Variants in ASAP1 observed in about 807,000 individuals in gnomAD.
ASAP1 encodes ArfGAP with SH3 domain, ankyrin repeat and PH domain 1.
A neutral mutation model predicts 145.2 loss-of-function variants in ASAP1; 43 were observed. The ratio of observed to expected loss-of-function variants is 0.30; its 90% confidence interval spans 0.23 to 0.38. The LOEUF (loss-of-function observed/expected upper bound fraction) is 0.38. Among genes scored for constraint, ASAP1 ranks in the 10% least tolerant of loss-of-function variants. The pLI, the probability that ASAP1 is intolerant of heterozygous loss-of-function variation, is 1.00. For missense variants in ASAP1, 1,018 were observed against 1,355.3 expected, an observed-to-expected ratio of 0.75 and a Z score of 3.91; for synonymous variants, 546 against 515.5, an observed-to-expected ratio of 1.06 and a Z score of -0.80.
At chr8:130,339,460 A>G (rs1825241885) in intron 3 of ASAP1, among the ~76,000 whole-genome samples, 1 of 152,170 alleles carries the variant, frequency 6.6e-6, no homozygotes, top group African/African-American at 2.4e-5. Context: ...AGGGGAATAT[A>G]TTAATAGCAA....
intron 3 of ASAP1, among the ~76,000 whole-genome samples, chr8:130,262,584 T>C (rs1267008046): frequency 3.3e-5 from 5 of 152,042 alleles, no homozygotes; most frequent in Admixed American, 2.6e-4. Flanking sequence ...CTGGAATTCC[T>C]AGCTCCTCAA....
intron 1 of ASAP1, among the ~76,000 whole-genome samples, chr8:130,442,746 A>G (rs1830528710): frequency 6.6e-6 from 1 of 152,164 alleles, no homozygotes; most frequent in Non-Finnish European, 1.5e-5. Context: ...AAACTGCTTT[A>G]GAAGTGCCCA....
intron 3 of ASAP1, among the ~76,000 whole-genome samples, chr8:130,249,205 A>T (rs911348160): frequency 3.9e-5 from 6 of 152,124 alleles, no homozygotes; most frequent in Non-Finnish European, 7.4e-5. Flanking sequence ...AGTGTTTCTA[A>T]ATATGTCTAG....
In ASAP1 at chr8:130,054,718, GT is replaced by G; in HGVS notation, c.*12del. ...CATGAAGGATGTGGACAATCTTAAG[GT>G]TCTGCGTTTTGCTAGTCAGACAGGA... On this transcript the variant is annotated 3_prime_UTR_variant, in exon 30 of 30. Transcript: ENST00000518721. 1.2e-6 allele frequency: 2 copies of G among 1,610,332 alleles called. No individual in the cohort carries two copies. The highest frequency in any genetic ancestry group is 1.7e-6 in the Non-Finnish European group (2 of 1,176,694).
chr8:130,311,760 T>TGAAAAAAAAAA (rs1823361313), intron 3 of ASAP1, among the ~76,000 whole-genome samples: 1 of 14,454 alleles, frequency 6.9e-5, no homozygotes, highest in Non-Finnish European at 1.4e-4. Flanking sequence ...AAACTCCGTC[T>TGAAAAAAAAAA]CAAAAAAAAA....
At chr8:130,353,210 A>C (rs573385639) in intron 3 of ASAP1, among the ~76,000 whole-genome samples, 194 of 152,348 alleles carry the variant, frequency 1.3e-3, no homozygotes, top group African/African-American at 4.5e-3. Flanking sequence ...CAATCTGGAT[A>C]ACCCCAATAC....
chr8:130,133,735 C>A (rs1310440181), intron 15 of ASAP1, among the ~76,000 whole-genome samples: 2 of 152,178 alleles, frequency 1.3e-5, no homozygotes, highest in East Asian at 1.9e-4. Context: ...TGATACCAAC[C>A]TGTTCCTTTC....
chr8:130,312,146 T>A (rs1823394954), intron 3 of ASAP1, among the ~76,000 whole-genome samples: 1 of 151,942 alleles, frequency 6.6e-6, no homozygotes. Flanking sequence ...GGTGTGGTGG[T>A]GTGCTCCTGT....
At chr8:130,413,377 T>C (rs756062784) in intron 1 of ASAP1, among the ~76,000 whole-genome samples, 7 of 152,222 alleles carry the variant, frequency 4.6e-5, no homozygotes, top group Non-Finnish European at 8.8e-5. Flanking sequence ...AATTACCGTA[T>C]TTCCTCCATT....
At chr8:130,168,209 C>T (rs1280831127) in intron 10 of ASAP1, among the ~76,000 whole-genome samples, 1 of 152,120 alleles carries the variant, frequency 6.6e-6, no homozygotes, top group Admixed American at 6.6e-5. Context: ...TTTACTCATA[C>T]TCATAATATA....
chr8:130,358,048 T>C lies in ASAP1; in HGVS notation c.155A>G (p.Asn52Ser), dbSNP rs1029447394. Reference protein sequence around the residue: ...TTSSFTTRLHNCRNTVTLLEE... With the variant: ...TTSSFTTRLHSCRNTVTLLEE... Reference sequence around the variant, plus strand: ...CAGCAGCGTGACGGTGTTCCTGCAGTTGTGCAGCCGCGTGGTGAAGCTGGA... The same window carrying C: ...CAGCAGCGTGACGGTGTTCCTGCAGCTGTGCAGCCGCGTGGTGAAGCTGGA... The change falls in exon 3 of 30, where the codon AAC (asparagine) becomes AGC (serine). Residue 52 changes from asparagine to serine, a missense_variant. Asn to Ser is a conservative substitution (Grantham distance 46, BLOSUM62 1). Transcript: ENST00000518721. This position sits in a 1 kb window ranked among gnomAD's most constrained non-coding sequence, Gnocchi z 4.1. 7 of 1,609,126 alleles carry C rather than the reference T, an allele frequency of 4.4e-6. No individual in the cohort carries two copies. The highest frequency in any genetic ancestry group is 1.3e-5 in the African/African-American group (1 of 74,540).
chr8:130,433,640 G>C (rs1459169324), intron 1 of ASAP1, among the ~76,000 whole-genome samples: 4 of 152,176 alleles, frequency 2.6e-5, no homozygotes, highest in South Asian at 2.1e-4. Context: ...AGGATATGCA[G>C]GGAAATCTGT....
intron 3 of ASAP1, among the ~76,000 whole-genome samples, chr8:130,335,940 C>T (rs761124665): frequency 6.6e-6 from 1 of 152,106 alleles, no homozygotes; most frequent in Non-Finnish European, 1.5e-5. Context: ...GTGTGAACTC[C>T]AAGCAACTTA....
intron 27 of ASAP1, among the ~76,000 whole-genome samples, chr8:130,073,912 T>C (rs2097455873): frequency 6.6e-6 from 1 of 152,168 alleles, no homozygotes; most frequent in Non-Finnish European, 1.5e-5. Flanking sequence ...ATAGGAAATA[T>C]GACAGGCAGG....
chr8:130,154,114 G>C (rs984178211), intron 12 of ASAP1, among the ~76,000 whole-genome samples: 1 of 152,170 alleles, frequency 6.6e-6, no homozygotes, highest in Admixed American at 6.5e-5. Flanking sequence ...GGGAGGTACA[G>C]GACAAGCTTA....
intron 4 of ASAP1, among the ~76,000 whole-genome samples, chr8:130,225,899 G>A (rs1328073716): frequency 1.3e-5 from 2 of 152,170 alleles, no homozygotes; most frequent in Non-Finnish European, 2.9e-5. Context: ...TTTGTTTTGA[G>A]ACAGGGTCTT....
intron 27 of ASAP1, among the ~76,000 whole-genome samples, chr8:130,068,178 A>G (rs1402085639): frequency 6.6e-6 from 1 of 152,330 alleles, no homozygotes; most frequent in East Asian, 1.9e-4. Flanking sequence ...AGAAATGCAA[A>G]CTAAGAAAAA....
chr8:130,073,485 A>G (rs2097454757), intron 27 of ASAP1, among the ~76,000 whole-genome samples: 1 of 152,114 alleles, frequency 6.6e-6, no homozygotes, highest in African/African-American at 2.4e-5. Context: ...GGGAAGATGC[A>G]GAACAGAAGC....
At position 130,054,650 on chromosome 8, in the gene ASAP1, A is replaced by T; in HGVS notation, c.*81T>A. 1 of 1,202,802 alleles carries T rather than the reference A, an allele frequency of 8.3e-7. No individual in the cohort carries two copies. The highest frequency in any genetic ancestry group is 1.2e-6 in the Non-Finnish European group (1 of 808,680). The allele number at this position is 1,202,802 out of a possible 1,614,324, so 74.5% of individuals were successfully genotyped here. A position where few individuals can be genotyped will look rare whatever the true frequency, so the allele number is the denominator to read the frequency against. On this transcript the variant is annotated 3_prime_UTR_variant, in exon 30 of 30. Transcript: ENST00000518721. The stretch of plus-strand genomic sequence containing the variant: ...AGTTTCTTACTCTGTAACAGCAGCT[A>T]TATACACACTGTGCCCAGGGTTACA...
Sources: gnomAD v4.1 joint callset for allele counts (sites outside exome capture counted in the v4.1 genomes callset) on GRCh38, gnomAD v4.1.1 for gene constraint, Gnocchi (gnomAD v3.1) non-coding constraint, MANE v1.5 for transcripts, NCBI Gene and HGNC (gene_info 2026-07-23, HGNC 2026-07-21) for gene names.